Variants in INPP4B observed in about 807,000 individuals in gnomAD.
INPP4B encodes inositol polyphosphate-4-phosphatase type II B.
INPP4B carries 55 observed loss-of-function variants against 122.5 expected under a neutral mutation model. The ratio of observed to expected loss-of-function variants is 0.45; its 90% confidence interval spans 0.36 to 0.56. The LOEUF is 0.56. INPP4B is among the 20% of genes least tolerant of loss of function. INPP4B has a pLI of 0.00. For synonymous variants in INPP4B, 403 were observed against 388.7 expected (o/e 1.04, Z -0.43); for missense variants, 1,000 against 1,097.7 (o/e 0.91, Z 1.26).
chr4:142,474,631 A>T (rs1006487187), intron 2 of INPP4B, among the ~76,000 whole-genome samples: 2 of 152,140 alleles, frequency 1.3e-5, no homozygotes, highest in Admixed American at 6.5e-5. Context: ...ACACCCAGAC[A>T]GTAGGGCAGA....
At chr4:142,221,687 T>C (rs941349211) in intron 12 of INPP4B, among the ~76,000 whole-genome samples, 19 of 152,110 alleles carry the variant, frequency 1.2e-4, no homozygotes, top group African/African-American at 3.9e-4. Context: ...TCTTGACCAG[T>C]AGAACTCTTC....
At chr4:142,195,557 C>T (rs1837835716) in intron 14 of INPP4B, among the ~76,000 whole-genome samples, 1 of 152,170 alleles carries the variant, frequency 6.6e-6, no homozygotes, top group Non-Finnish European at 1.5e-5. Flanking sequence ...CCAAATTCAT[C>T]AAGTTGTAAA....
intron 14 of INPP4B, chr4:142,202,778 C>CAA (rs1326765963): frequency 1.0e-6 from 1 of 985,104 alleles, no homozygotes; most frequent in Non-Finnish European, 1.2e-6. Context: ...TGAAAAACAA[C>CAA]AAACAAAAAC....
chr4:142,193,029 T>G, intron 15 of INPP4B, 58 bp downstream of exon 15: 1 of 1,024,512 alleles, frequency 9.8e-7, no homozygotes, highest in Non-Finnish European at 1.5e-6. Flanking sequence ...GTATATAGAC[T>G]TCCCCAAAGG....
intron 2 of INPP4B, among the ~76,000 whole-genome samples, chr4:142,725,631 A>G (rs748376336): frequency 3.3e-5 from 5 of 152,174 alleles, no homozygotes; most frequent in Non-Finnish European, 5.9e-5. Flanking sequence ...ATTACCCACA[A>G]TGTTTTGAAA....
At chr4:142,784,340 G>A (rs889753771) in intron 1 of INPP4B, among the ~76,000 whole-genome samples, 1 of 150,932 alleles carries the variant, frequency 6.6e-6, no homozygotes, top group Non-Finnish European at 1.5e-5. Context: ...TCCAGCCTGG[G>A]TGATAGAGAG....
intron 2 of INPP4B, among the ~76,000 whole-genome samples, chr4:142,500,289 G>A (rs879082816): frequency 2.0e-5 from 3 of 152,158 alleles, no homozygotes; most frequent in Admixed American, 2.0e-4. Flanking sequence ...AGATAGAGTA[G>A]CTCCATCAGG....
intron 2 of INPP4B, among the ~76,000 whole-genome samples, chr4:142,660,333 A>G (rs1754943557): frequency 6.6e-6 from 1 of 152,028 alleles, no homozygotes; most frequent in East Asian, 1.9e-4. Context: ...CTAGGAAGAG[A>G]AGGGAACTAG....
At chr4:142,171,980 C>CTAAAATTTT (rs1825843910) in intron 16 of INPP4B, among the ~76,000 whole-genome samples, 1 of 151,620 alleles carries the variant, frequency 6.6e-6, no homozygotes, top group Non-Finnish European at 1.5e-5. Flanking sequence ...TTAGGTGAAC[C>CTAAAATTTT]CAGAAAAACC....
intron 2 of INPP4B, among the ~76,000 whole-genome samples, chr4:142,488,381 C>G (rs1821449263): frequency 6.6e-6 from 1 of 151,976 alleles, no homozygotes; most frequent in Non-Finnish European, 1.5e-5. Context: ...ATTACAGAAT[C>G]ATGATGTCTT....
chr4:142,142,961 C>T (rs1808635188), intron 18 of INPP4B, among the ~76,000 whole-genome samples: 1 of 152,012 alleles, frequency 6.6e-6, no homozygotes, highest in Non-Finnish European at 1.5e-5. Context: ...TTTTCCCTAT[C>T]CATATAAAGA....
chr4:142,115,265 A>C (rs1327133860), intron 21 of INPP4B, among the ~76,000 whole-genome samples: 1 of 152,192 alleles, frequency 6.6e-6, no homozygotes, highest in African/African-American at 2.4e-5. Context: ...GAACGTCCCA[A>C]ATCTAGCAAG....
intron 2 of INPP4B, among the ~76,000 whole-genome samples, chr4:142,653,281 C>T (rs1441165595): frequency 2.0e-5 from 3 of 152,120 alleles, no homozygotes; most frequent in Non-Finnish European, 4.4e-5. Flanking sequence ...TAGAAGAAAA[C>T]CTAGGCAATA....
chr4:142,372,799 A>C (rs530985260), intron 7 of INPP4B, among the ~76,000 whole-genome samples: 1 of 152,114 alleles, frequency 6.6e-6, no homozygotes, highest in East Asian at 1.9e-4. Flanking sequence ...TCTAGGAAGG[A>C]GTAATTAGCT....
At chr4:142,457,324 C>T (rs1815668498) in intron 3 of INPP4B, among the ~76,000 whole-genome samples, 1 of 152,050 alleles carries the variant, frequency 6.6e-6, no homozygotes, top group Non-Finnish European at 1.5e-5. Flanking sequence ...GTGAAAGACA[C>T]TGTTGAGAAA....
chr4:142,364,867 A>ATTT (rs1786846893), intron 7 of INPP4B, among the ~76,000 whole-genome samples: 2 of 152,220 alleles, frequency 1.3e-5, no homozygotes, highest in African/African-American at 4.8e-5. Context: ...AACAAAGAAA[A>ATTT]TTACAACAGC....
chr4:142,294,856 A>AAAAAAAAAAAAAAAAAAAAAAAAG (rs1561775056), intron 9 of INPP4B, among the ~76,000 whole-genome samples: 4 of 143,806 alleles, frequency 2.8e-5, no homozygotes, highest in Non-Finnish European at 6.1e-5. Flanking sequence ...AAAAAAAAAA[A>AAAAAAAAAAAAAAAAAAAAAAAAG]GGCAGACTTA....
chr4:142,442,149 C>T (rs1811874791), intron 3 of INPP4B, among the ~76,000 whole-genome samples: 1 of 151,856 alleles, frequency 6.6e-6, no homozygotes, highest in African/African-American at 2.4e-5. Context: ...TGGCTCACGC[C>T]TACCTGTAAT....
At chr4:142,482,245 T>C (rs1820648901) in intron 2 of INPP4B, among the ~76,000 whole-genome samples, 1 of 152,170 alleles carries the variant, frequency 6.6e-6, no homozygotes, top group Non-Finnish European at 1.5e-5. Context: ...GCTTCTCTGT[T>C]TTACTCTCAA....
Sources: allele counts gnomAD v4.1 joint callset (sites outside exome capture counted in the v4.1 genomes callset), GRCh38; gene constraint gnomAD v4.1.1; transcripts MANE v1.5; gene names NCBI Gene and HGNC (gene_info 2026-07-23, HGNC 2026-07-21).